The following GOLGB1 variants were observed in gnomAD, a reference collection of about 807,000 sequenced individuals.
The protein encoded by GOLGB1 is golgin B1.
Under a neutral mutation model 336.9 loss-of-function variants are expected in GOLGB1, and 174 were observed. That is an observed-to-expected ratio of 0.52 (90% CI 0.46 to 0.59). The LOEUF is 0.59. GOLGB1 is among the 20% of genes least tolerant of loss of function. The probability of loss-of-function intolerance (pLI) is 0.00; values close to 1 mark genes in which losing one functional copy is unlikely to be tolerated. For synonymous variants in GOLGB1, 1,208 were observed against 1,289.2 expected (o/e 0.94, Z 1.35); for missense variants, 3,331 against 3,645.3 (o/e 0.91, Z 2.22).
chr3:121,707,885 G>A (rs1944023662), intron 10 of GOLGB1, among the ~76,000 whole-genome samples: 1 of 152,132 alleles, frequency 6.6e-6, no homozygotes, highest in Non-Finnish European at 1.5e-5. Flanking sequence ...AAAAGGATTG[G>A]CAATCTCTGA....
rs149422728 is a variant in GOLGB1 at position 121,692,380 on chromosome 3, A to C, written c.6984T>G (p.Asp2328Glu). ...TACATTTTTCTAAAGAGTTACTTAA[A>C]TCAGTCAACTGGTCTTTGAGACTCT... ...ELKSLKDQLT[D>E]LSNSLEKCKE... Residue 2328 changes from aspartate (D) to glutamate (E), a missense_variant, in exon 14 of 22, where the codon GAT (aspartate) becomes GAG (glutamate). Coordinates refer to ENST00000614479, the MANE Select transcript of GOLGB1 (RefSeq NM_001366282.2). 1.9e-6 allele frequency: 3 copies of C among 1,610,120 alleles called. No individual in the cohort carries two copies. Among genetic ancestry groups the C allele is most frequent in the Non-Finnish European group, 2.5e-6 (3 of 1,179,014 alleles).
In GOLGB1 at chr3:121,691,642, A is replaced by G. The variant is rs1560212842; in HGVS notation, c.7722T>C (p.Tyr2574=). 3.1e-6 allele frequency: 5 copies of G among 1,613,128 alleles called. No individual in the cohort carries two copies. The highest frequency in any genetic ancestry group is 2.7e-5 in the African/African-American group (2 of 74,932). ...LQQNKELENK[Y]AKLEEKLKES... Reference sequence around the variant, plus strand: ...CCTTCAGCTTTTCTTCTAATTTAGCATATTTATTTTCCAGCTCCTTATTTT... The same window carrying G: ...CCTTCAGCTTTTCTTCTAATTTAGCGTATTTATTTTCCAGCTCCTTATTTT... Residue 2574 remains tyrosine, a synonymous_variant, in exon 14 of 22, where the codon TAT becomes TAC. Coordinates refer to ENST00000614479, the MANE Select transcript of GOLGB1 (RefSeq NM_001366282.2).
Position 121,689,278 on chromosome 3 carries a change from G to A in GOLGB1, c.8694+1392C>T, listed in dbSNP as rs556872938. On this transcript the variant is annotated intron_variant, in intron 14 of 21. Coordinates refer to ENST00000614479, the MANE Select transcript of GOLGB1 (RefSeq NM_001366282.2). ...TGTCTGTGTAGAAAGAAGTAGACAT[G>A]GGAAACTTTTCATTTTGTTCTGTAC... Among the ~76,000 whole-genome samples the A allele has an allele frequency of 1.1e-3, 163 of 152,364 alleles. 3 individuals are homozygous for A. In the South Asian group the frequency reaches 0.021, roughly 19 times the overall value.
chr3:121,694,283 T>C lies in GOLGB1; in HGVS notation c.6240A>G (p.Ala2080=). 1 of 1,610,462 alleles carries C rather than the reference T, an allele frequency of 6.2e-7. No individual in the cohort carries two copies. The highest frequency in any genetic ancestry group is 8.5e-7 in the Non-Finnish European group (1 of 1,179,922). Residue 2080 remains alanine, a synonymous_variant, in exon 13 of 22, where the codon GCA becomes GCG. Transcript: ENST00000614479. The part of the protein sequence containing the change: ...QAVEHRKKAQ[A]ELASFKVLLD... ...GCAGGACTTTGAAGCTAGCTAATTCTGCTTGTGCCTTTTTGCGGTGTTCAA... is the reference window on the plus strand; with the variant it reads ...GCAGGACTTTGAAGCTAGCTAATTCCGCTTGTGCCTTTTTGCGGTGTTCAA...
intron 10 of GOLGB1, among the ~76,000 whole-genome samples, 179 bp from the exon 11 acceptor site, chr3:121,702,774 T>C (rs190911955): frequency 1.3e-5 from 2 of 152,214 alleles, no homozygotes; most frequent in Non-Finnish European, 2.9e-5. Context: ...ATCTAAAGAT[T>C]TAGAAAAAGA....
intron 1 of GOLGB1, among the ~76,000 whole-genome samples, chr3:121,746,485 A>ATTT: frequency 6.9e-6 from 1 of 145,780 alleles, no homozygotes; most frequent in East Asian, 2.0e-4. Flanking sequence ...TTATTTATTT[A>ATTT]ATGTTATTTA....
chr3:121,686,351 T>G (rs1389821907), intron 14 of GOLGB1, among the ~76,000 whole-genome samples: 1 of 152,228 alleles, frequency 6.6e-6, no homozygotes, highest in East Asian at 1.9e-4. Context: ...TCTAACACAG[T>G]ACAGGATATG....
intron 14 of GOLGB1, among the ~76,000 whole-genome samples, chr3:121,684,218 T>C (rs1456417487): frequency 2.8e-5 from 1 of 35,154 alleles, no homozygotes; most frequent in Admixed American, 2.7e-4. Flanking sequence ...ATGGCAAAAA[T>C]GAAAAAAATG....
At position 121,691,530 on chromosome 3, in the gene GOLGB1, A is replaced by T; in HGVS notation, c.7834T>A (p.Leu2612Met). ...GTTAGCTGGGATATAGATACTTTCA[A>T]ACTCTCAATCTCTTTAGATAAATCT... Reference protein sequence around the residue: ...KQDLSKEIESLKVSISQLTRQ... With the variant: ...KQDLSKEIESMKVSISQLTRQ... Residue 2612 changes from leucine to methionine, a missense_variant, in exon 14 of 22, where the codon TTG becomes ATG. Leu to Met is a conservative substitution (Grantham distance 15). Coordinates refer to ENST00000614479, the MANE Select transcript of GOLGB1 (RefSeq NM_001366282.2). 1 of 1,612,558 alleles carries T rather than the reference A, an allele frequency of 6.2e-7. No homozygotes were observed. The highest frequency in any genetic ancestry group is 8.5e-7 in the Non-Finnish European group (1 of 1,179,628).
intron 11 of GOLGB1, among the ~76,000 whole-genome samples, chr3:121,701,641 G>A (rs901244991): frequency 6.6e-6 from 1 of 152,086 alleles, no homozygotes; most frequent in Non-Finnish European, 1.5e-5. Context: ...AAGGAGACAC[G>A]TCTTCATTCT....
At position 121,677,042 on chromosome 3, in the gene GOLGB1, C is replaced by T; in HGVS notation, c.9040-12G>A. 1 of 1,613,792 alleles carries T rather than the reference C, an allele frequency of 6.2e-7. No individual in the cohort carries two copies. Among genetic ancestry groups the T allele is most frequent in the African/African-American group, 1.3e-5 (1 of 75,016 alleles). ...GTCTCTGGGGATGCCTGCCAGGACA[C>T]AAACATTGATCAGATTCTCTCCTAA... On this transcript the variant is annotated splice_polypyrimidine_tract_variant and intron_variant, in intron 16 of 21. Transcript: ENST00000614479.
chr3:121,683,197 C>T (rs771368260), intron 14 of GOLGB1, among the ~76,000 whole-genome samples: 2 of 151,138 alleles, frequency 1.3e-5, no homozygotes, highest in Non-Finnish European at 2.9e-5. Flanking sequence ...CCACTGCGCC[C>T]GGCCAGAAAA....
intron 1 of GOLGB1, chr3:121,748,855 A>G: frequency 1.0e-6 from 1 of 983,816 alleles, no homozygotes; most frequent in Non-Finnish European, 1.2e-6. Flanking sequence ...AGCTCTTTAA[A>G]TAAGTCAGAC....
At chr3:121,734,784 G>A (rs1374325384) in intron 1 of GOLGB1, among the ~76,000 whole-genome samples, 1 of 152,172 alleles carries the variant, frequency 6.6e-6, no homozygotes, top group African/African-American at 2.4e-5. Flanking sequence ...TCGGAAAACT[G>A]TTTGACAGTT....
Position 121,738,648 on chromosome 3 carries a change from T to C in GOLGB1, c.-2-7675A>G, listed in dbSNP as rs563320151. On this transcript the variant is annotated intron_variant, in intron 1 of 21. Coordinates refer to ENST00000614479, the MANE Select transcript of GOLGB1 (RefSeq NM_001366282.2). ...CAATAACAGGTACCTGCCAGGGGCC[T>C]ACGAGGGCTGAAAGAGCTGAGGCAG... 3.9e-5 allele frequency among the ~76,000 whole-genome samples: 6 copies of C among 152,298 alleles called. No individual in the cohort carries two copies. The East Asian group carries it at 1.2e-3, about 29-fold the overall frequency.
chr3:121,671,267 C>G (rs555122091), intron 17 of GOLGB1, among the ~76,000 whole-genome samples: 2 of 152,284 alleles, frequency 1.3e-5, no homozygotes, highest in African/African-American at 4.8e-5. Flanking sequence ...TACATTATGT[C>G]ACTAATCATC....
chr3:121,689,513 C>T (rs1576328550), intron 14 of GOLGB1, among the ~76,000 whole-genome samples: 1 of 151,452 alleles, frequency 6.6e-6, no homozygotes, highest in Non-Finnish European at 1.5e-5. Context: ...ACAAACACTG[C>T]GGAAGGCCGC....
intron 15 of GOLGB1, among the ~76,000 whole-genome samples, chr3:121,681,149 AT>A (rs1489050444): frequency 6.6e-6 from 1 of 152,248 alleles, no homozygotes; most frequent in Non-Finnish European, 1.5e-5. Flanking sequence ...ACTGAAAAGA[AT>A]GAACTATTGA....
At position 121,695,539 on chromosome 3, in the gene GOLGB1, T is replaced by C. The variant is rs776016159; in HGVS notation, c.4984A>G (p.Lys1662Glu). ...TGCAACTGCTTTTCTGTCTCCTTCT[T>C]GTTTGCCTCTGTGCTTCTTAACTTG... Reference protein sequence around the residue: ...YGKLRSTEANKKETEKQLQEA... With the variant: ...YGKLRSTEANEKETEKQLQEA... The change falls in exon 13 of 22, where the codon AAG becomes GAG. Residue 1662 changes from lysine to glutamate, a missense_variant. Transcript: ENST00000614479. 4.3e-6 allele frequency: 7 copies of C among 1,614,004 alleles called. No homozygotes were observed. Among genetic ancestry groups the C allele is most frequent in the Admixed American group, 1.7e-5 (1 of 59,994 alleles).
Sources: gnomAD v4.1 joint callset for allele counts (sites outside exome capture counted in the v4.1 genomes callset) on GRCh38, gnomAD v4.1.1 for gene constraint, MANE v1.5 for transcripts, NCBI Gene and HGNC (gene_info 2026-07-23, HGNC 2026-07-21) for gene names.